Variants in MMRN1 observed in about 807,000 individuals in gnomAD.
MMRN1 encodes multimerin-1.
Under a neutral mutation model 100.7 loss-of-function variants are expected in MMRN1, and 94 were observed. That is an observed-to-expected ratio of 0.93 (90% CI 0.79 to 1.11). The LOEUF is 1.11. Among genes scored for constraint, MMRN1 ranks in the 50% least tolerant of loss-of-function variants. MMRN1 has a pLI of 0.00. For missense variants in MMRN1, 1,606 were observed against 1,439.1 expected, an observed-to-expected ratio of 1.12 and a Z score of -1.88; for synonymous variants, 575 against 505.0, an observed-to-expected ratio of 1.14 and a Z score of -1.86.
intron 1 of MMRN1, among the ~76,000 whole-genome samples, chr4:89,882,248 C>T (rs1012108620): frequency 1.3e-5 from 2 of 151,300 alleles, no homozygotes; most frequent in South Asian, 2.1e-4. Context: ...CTCTATAAAT[C>T]CATGTTCCTA....
intron 4 of MMRN1, among the ~76,000 whole-genome samples, chr4:89,925,889 G>A (rs188097108): frequency 9.1e-4 from 138 of 152,248 alleles, no homozygotes; most frequent in African/African-American, 3.3e-3. Context: ...GAGAACATGC[G>A]ATGCTTGTCT....
At chr4:89,911,765 G>C (rs1336283808) in intron 2 of MMRN1, among the ~76,000 whole-genome samples, 179 bp from the exon 3 acceptor site, 1 of 151,206 alleles carries the variant, frequency 6.6e-6, no homozygotes, top group Non-Finnish European at 1.5e-5. Flanking sequence ...GTAATGTATT[G>C]AAAGAAACCT....
intron 6 of MMRN1, among the ~76,000 whole-genome samples, chr4:89,945,811 T>C (rs1434573976): frequency 6.6e-6 from 1 of 152,078 alleles, no homozygotes; most frequent in East Asian, 1.9e-4. Context: ...CTTAAAGTAA[T>C]ATATGAAGGG....
intron 1 of MMRN1, among the ~76,000 whole-genome samples, chr4:89,901,154 GAAA>G (rs372841987): frequency 9.8e-5 from 11 of 112,148 alleles, no homozygotes; most frequent in African/African-American, 1.8e-4. Context: ...GGGCTTTTAT[GAAA>G]AAAAAAAAAA....
chr4:89,945,224 A>G (rs1722951123), intron 6 of MMRN1, among the ~76,000 whole-genome samples: 1 of 152,158 alleles, frequency 6.6e-6, no homozygotes, highest in Non-Finnish European at 1.5e-5. Context: ...TAAATATACA[A>G]TTTCTTTATC....
At chr4:89,949,858 T>C (rs192081519) in intron 6 of MMRN1, among the ~76,000 whole-genome samples, 1,671 of 152,286 alleles carry the variant, frequency 0.011, 34 homozygotes, top group African/African-American at 0.038. Context: ...TATATAAAAA[T>C]TTATAGGTCT....
chr4:89,883,180 C>A (rs1303077554), intron 1 of MMRN1, among the ~76,000 whole-genome samples: 1 of 151,950 alleles, frequency 6.6e-6, no homozygotes, highest in East Asian at 1.9e-4. Context: ...TTGATATTCT[C>A]TTATATTTGG....
chr4:89,936,081 C>G lies in MMRN1; in HGVS notation c.2401C>G (p.Gln801Glu). 1 of 1,611,506 alleles carries G rather than the reference C, an allele frequency of 6.2e-7. No homozygotes were observed. The highest frequency in any genetic ancestry group is 8.5e-7 in the Non-Finnish European group (1 of 1,179,172). ...NDNQRYNFVL[Q>E]VAKTLAGIPR... is the part of the protein sequence containing the mutation. The stretch of plus-strand genomic sequence containing the variant: ...CAATCAGAGATATAACTTTGTTTTG[C>G]AAGTCGCCAAGACCCTTGCAGGTAT... Residue 801 changes from glutamine to glutamate, a missense_variant, in exon 6 of 8, where the codon CAA (glutamine) becomes GAA (glutamate). Physicochemically the swap from Gln to Glu is conservative, Grantham distance 29. Coordinates refer to ENST00000264790, the MANE Select transcript of MMRN1 (RefSeq NM_007351.3).
chr4:89,916,364 GAAAAA>G (rs33949270), intron 3 of MMRN1, among the ~76,000 whole-genome samples: 1 of 138,440 alleles, frequency 7.2e-6, no homozygotes, highest in Admixed American at 7.1e-5. Flanking sequence ...CTTAGATTCT[GAAAAA>G]AAAAAAACAA....
At chr4:89,913,679 A>G (rs1721825938) in intron 3 of MMRN1, among the ~76,000 whole-genome samples, 1 of 151,340 alleles carries the variant, frequency 6.6e-6, no homozygotes, top group Admixed American at 6.6e-5. Context: ...TATCCTAATT[A>G]GAAGCAACCT....
intron 7 of MMRN1, 52 bp from the exon 8 acceptor site, chr4:89,952,945 A>C (rs111987990): frequency 8.4e-7 from 1 of 1,192,604 alleles, no homozygotes; most frequent in South Asian, 1.6e-5. Flanking sequence ...TAAGGAAAGA[A>C]AAATAAGATA....
At chr4:89,919,492 T>C (rs1002865495) in intron 3 of MMRN1, among the ~76,000 whole-genome samples, 6 of 151,874 alleles carry the variant, frequency 4.0e-5, no homozygotes, top group Non-Finnish European at 7.4e-5. Flanking sequence ...AACGTTTACC[T>C]AGCAAGAAAA....
intron 6 of MMRN1, among the ~76,000 whole-genome samples, chr4:89,951,133 T>C (rs116738462): frequency 0.013 from 2,033 of 152,230 alleles, 50 homozygotes; most frequent in African/African-American, 0.046. Flanking sequence ...ATATTCTCCT[T>C]TTTTGTTGTA....
At chr4:89,881,835 AATGAGTCTAGTG>A (rs1720822499) in intron 1 of MMRN1, among the ~76,000 whole-genome samples, 1 of 152,018 alleles carries the variant, frequency 6.6e-6, no homozygotes, top group South Asian at 2.1e-4. Flanking sequence ...GCTAAACAGT[AATGAGTCTAGTG>A]TAATAACGTA....
chr4:89,891,724 G>A (rs1293117587), upstream of MMRN1, among the ~76,000 whole-genome samples: 1 of 151,970 alleles, frequency 6.6e-6, no homozygotes, highest in East Asian at 1.9e-4. Flanking sequence ...TCTAAAATTT[G>A]TTTTCTTCTA....
At chr4:89,929,145 C>T (rs1722357265) in intron 5 of MMRN1, among the ~76,000 whole-genome samples, 1 of 152,012 alleles carries the variant, frequency 6.6e-6, no homozygotes, top group South Asian at 2.1e-4. Flanking sequence ...CTGGGAGCGT[C>T]CCAGTCGGGT....
At chr4:89,910,977 TG>T (rs1295960851) in intron 2 of MMRN1, among the ~76,000 whole-genome samples, 8 of 151,412 alleles carry the variant, frequency 5.3e-5, no homozygotes, top group Non-Finnish European at 7.4e-5. Flanking sequence ...CTAGCCCACA[TG>T]ACATGGGCTA....
Position 89,895,331 on chromosome 4 carries a change from C to A in MMRN1, c.360C>A (p.Asn120Lys), listed in dbSNP as rs142099842. ...TACAGAATCTTACCCTCCCAACCAA[C>A]GCTAGCATCAAGTTCAATCCTGGAG... ...VKLQNLTLPT[N>K]ASIKFNPGAE... Residue 120 changes from asparagine (N) to lysine (K), a missense_variant, in exon 1 of 8, where the codon AAC becomes AAA. Coordinates refer to ENST00000264790, the MANE Select transcript of MMRN1 (RefSeq NM_007351.3). The A allele has an allele frequency of 1.9e-6, 3 of 1,613,966 alleles. No individual in the cohort carries two copies. The highest frequency in any genetic ancestry group is 2.5e-6 in the Non-Finnish European group (3 of 1,179,946).
chr4:89,913,591 T>C (rs1348127109), intron 3 of MMRN1, among the ~76,000 whole-genome samples: 1 of 151,358 alleles, frequency 6.6e-6, no homozygotes, highest in Non-Finnish European at 1.5e-5. Context: ...GACTGTGTCC[T>C]GCCACTCTCA....
Sources: allele counts gnomAD v4.1 joint callset (sites outside exome capture counted in the v4.1 genomes callset), GRCh38; gene constraint gnomAD v4.1.1; transcripts MANE v1.5; gene names NCBI Gene and HGNC (gene_info 2026-07-23, HGNC 2026-07-21).